TASP1: variants seen among roughly 807,000 people sequenced by gnomAD.
The protein encoded by TASP1 is threonine aspartase 1.
In TASP1, 16 loss-of-function variants were observed where a neutral mutation model predicts 56.6. The observed-to-expected ratio is 0.28, with a 90% CI of 0.19 to 0.43. The LOEUF is 0.43. TASP1 is among the 20% of genes least tolerant of loss of function. The pLI is 1.00. For synonymous variants in TASP1, 179 were observed against 184.2 expected (o/e 0.97, Z 0.23); for missense variants, 393 against 511.6 (o/e 0.77, Z 2.24).
chr20:13,277,571 G>A, the TASP1 span, among the ~76,000 whole-genome samples: 6 of 151,734 alleles, frequency 4.0e-5, no homozygotes, highest in Non-Finnish European at 8.8e-5. Flanking sequence ...ACTCTCCCAC[G>A]ACCATTCATT....
intron 10 of TASP1, among the ~76,000 whole-genome samples, chr20:13,518,704 T>A (rs529843042): frequency 2.0e-5 from 3 of 152,030 alleles, no homozygotes; most frequent in Non-Finnish European, 4.4e-5. Flanking sequence ...CATTCACACA[T>A]CAACGAACAA....
chr20:13,602,653 G>A (rs150612269), intron 4 of TASP1, among the ~76,000 whole-genome samples: 18 of 152,174 alleles, frequency 1.2e-4, no homozygotes, highest in Non-Finnish European at 2.5e-4. Flanking sequence ...CAGATCATCA[G>A]GCATTAGATT....
At chr20:13,147,027 T>C in the TASP1 span, among the ~76,000 whole-genome samples, 1 of 152,182 alleles carries the variant, frequency 6.6e-6, no homozygotes, top group Non-Finnish European at 1.5e-5. Flanking sequence ...GGGGATTAAA[T>C]AGCTAACAGT....
At chr20:13,306,124 G>A in the TASP1 span, among the ~76,000 whole-genome samples, 3 of 152,108 alleles carry the variant, frequency 2.0e-5, no homozygotes, top group Non-Finnish European at 4.4e-5. Context: ...CATTCTTGAG[G>A]CATGTAATTC....
At chr20:13,179,401 A>ATGTGTGTG in the TASP1 span, among the ~76,000 whole-genome samples, 1 of 108,236 alleles carries the variant, frequency 9.2e-6, no homozygotes, top group Non-Finnish European at 2.0e-5. Flanking sequence ...AAGTAGAATT[A>ATGTGTGTG]TGTGCGTGTG....
At chr20:13,209,807 A>G in the TASP1 span, among the ~76,000 whole-genome samples, 1 of 152,236 alleles carries the variant, frequency 6.6e-6, no homozygotes, top group African/African-American at 2.4e-5. Flanking sequence ...TATAACAAAT[A>G]TAGTCAAACC....
the TASP1 span, among the ~76,000 whole-genome samples, chr20:13,135,101 A>G: frequency 6.6e-6 from 1 of 152,240 alleles, no homozygotes; most frequent in African/African-American, 2.4e-5. Flanking sequence ...TTGATAGTAG[A>G]CATCTGACAG....
At chr20:13,405,716 T>TTC (rs1005318205) in intron 13 of TASP1, among the ~76,000 whole-genome samples, 6 of 150,782 alleles carry the variant, frequency 4.0e-5, no homozygotes, top group African/African-American at 1.5e-4. Flanking sequence ...CCAGCTAATT[T>TTC]TTTTTTTTTT....
At chr20:13,608,364 A>G (rs1003802844) in intron 4 of TASP1, among the ~76,000 whole-genome samples, 2 of 152,242 alleles carry the variant, frequency 1.3e-5, no homozygotes, top group Admixed American at 1.3e-4. Context: ...AAGATTTCCA[A>G]TTTAGATTCC....
the TASP1 span, among the ~76,000 whole-genome samples, chr20:13,265,594 C>T: frequency 2.6e-5 from 4 of 152,304 alleles, no homozygotes; most frequent in Admixed American, 6.5e-5. Flanking sequence ...GTGCCTTCCC[C>T]GCCCAAGCTC....
chr20:13,184,028 C>CAAAAAAAAA, the TASP1 span, among the ~76,000 whole-genome samples: 2 of 61,532 alleles, frequency 3.3e-5, no homozygotes, highest in South Asian at 5.5e-4. Flanking sequence ...GACTCTGTCT[C>CAAAAAAAAA]AAAAAAAAAA....
chr20:13,432,315 AG>A (rs144652369), intron 12 of TASP1, among the ~76,000 whole-genome samples: 83 of 152,338 alleles, frequency 5.4e-4, no homozygotes, highest in African/African-American at 1.8e-3. Flanking sequence ...ATCAAGAAAT[AG>A]ATGTGTGAGC....
chr20:13,618,627 A>C (rs2048605495), intron 4 of TASP1, among the ~76,000 whole-genome samples: 2 of 152,214 alleles, frequency 1.3e-5, no homozygotes, highest in Non-Finnish European at 2.9e-5. Flanking sequence ...TTTTTAACAG[A>C]ATGACTAAAA....
At chr20:13,560,708 G>T (rs1333039553) in intron 7 of TASP1, among the ~76,000 whole-genome samples, 3 of 152,144 alleles carry the variant, frequency 2.0e-5, no homozygotes, top group African/African-American at 7.2e-5. Flanking sequence ...GAAACTTTTG[G>T]TCTCATGGGG....
downstream of TASP1, among the ~76,000 whole-genome samples, chr20:13,387,037 G>C (rs938936928): frequency 1.3e-5 from 2 of 152,056 alleles, no homozygotes; most frequent in African/African-American, 4.8e-5. Flanking sequence ...CTCTCAAGTA[G>C]GTCTTGGTAT....
At chr20:13,470,506 T>C (rs1316596645) in intron 11 of TASP1, among the ~76,000 whole-genome samples, 2 of 152,202 alleles carry the variant, frequency 1.3e-5, no homozygotes, top group East Asian at 1.9e-4. Context: ...ATAAAACTTC[T>C]ATACACTTAA....
the TASP1 span, among the ~76,000 whole-genome samples, chr20:13,271,600 T>C: frequency 1.3e-5 from 2 of 152,316 alleles, no homozygotes; most frequent in African/African-American, 4.8e-5. Context: ...AAATAGTAGT[T>C]ATAGGGCTCA....
the TASP1 span, among the ~76,000 whole-genome samples, chr20:13,310,948 CT>C: frequency 6.6e-6 from 1 of 152,326 alleles, no homozygotes; most frequent in Non-Finnish European, 1.5e-5. Flanking sequence ...AATCCCAGCA[CT>C]TTGGGAGGCT....
the TASP1 span, among the ~76,000 whole-genome samples, chr20:13,131,340 C>T: frequency 0.018 from 2,812 of 152,162 alleles, 55 homozygotes; most frequent in South Asian, 0.03. Flanking sequence ...CAGTGGTGCC[C>T]GGCCTGACAT....
Sources: allele counts gnomAD v4.1 joint callset (sites outside exome capture counted in the v4.1 genomes callset), GRCh38; gene constraint gnomAD v4.1.1; transcripts MANE v1.5; gene names NCBI Gene and HGNC (gene_info 2026-07-23, HGNC 2026-07-21).